The following EPHA6 variants were observed in gnomAD, a reference collection of about 807,000 sequenced individuals.
EPHA6 encodes EPH receptor A6.
Under a neutral mutation model 112.0 loss-of-function variants are expected in EPHA6, and 50 were observed. The observed-to-expected ratio is 0.45, with a 90% confidence interval of 0.36 to 0.56. The LOEUF (loss-of-function observed/expected upper bound fraction) is 0.56, where lower values mean the gene tolerates loss of function less well. Ranked by LOEUF, EPHA6 falls within the 20% of genes least tolerant of loss-of-function variation. The pLI is 0.00. For synonymous variants in EPHA6, 529 were observed against 490.7 expected (o/e 1.08, Z -1.03); for missense variants, 1,280 against 1,417.4 (o/e 0.90, Z 1.56).
chr3:97,515,884 TG>T (rs1392605109), intron 10 of EPHA6, among the ~76,000 whole-genome samples: 8 of 152,106 alleles, frequency 5.3e-5, no homozygotes, highest in Non-Finnish European at 8.8e-5. Flanking sequence ...AAAAAAATGA[TG>T]TTTTTTTCTT....
chr3:97,014,887 T>C (rs763701044), intron 3 of EPHA6, among the ~76,000 whole-genome samples: 12 of 152,290 alleles, frequency 7.9e-5, no homozygotes, highest in Admixed American at 2.6e-4. Context: ...AAAAATGTCT[T>C]AAATTTGCTG....
At chr3:97,604,146 A>T (rs1440206795) in intron 12 of EPHA6, among the ~76,000 whole-genome samples, 1 of 151,842 alleles carries the variant, frequency 6.6e-6, no homozygotes, top group Non-Finnish European at 1.5e-5. Context: ...ATAAGATACA[A>T]ATGAGGAAAT....
At position 97,730,828 on chromosome 3, in the gene EPHA6, C is replaced by G. The variant is rs112760244; in HGVS notation, c.2935-5097C>G. Reference sequence around the variant, plus strand: ...GGCATTGTGCTACATGCTGGGAACACGTGGAACAAAGAAACAGTCGCTGCT... The same window carrying G: ...GGCATTGTGCTACATGCTGGGAACAGGTGGAACAAAGAAACAGTCGCTGCT... On this transcript the variant is annotated intron_variant, in intron 15 of 17. Coordinates refer to ENST00000389672, the MANE Select transcript of EPHA6 (RefSeq NM_001080448.3). Among the ~76,000 whole-genome samples, 356 of 152,214 alleles carry G rather than the reference C, an allele frequency of 2.3e-3. 4 individuals carry two copies. Among genetic ancestry groups the G allele is most frequent in the African/African-American group, 8.1e-3 (337 of 41,546 alleles).
chr3:97,494,285 C>A (rs2091922914), intron 10 of EPHA6, among the ~76,000 whole-genome samples: 1 of 151,874 alleles, frequency 6.6e-6, no homozygotes, highest in Non-Finnish European at 1.5e-5. Context: ...TTATTTCCGC[C>A]TTTTATAACC....
At chr3:97,295,328 A>C (rs1468557974) in intron 5 of EPHA6, among the ~76,000 whole-genome samples, 5 of 151,752 alleles carry the variant, frequency 3.3e-5, no homozygotes, top group Non-Finnish European at 7.4e-5. Flanking sequence ...CAGTTCTGAA[A>C]TTCTTTCTTC....
chr3:97,468,757 G>A (rs2091137864), intron 7 of EPHA6, among the ~76,000 whole-genome samples: 1 of 151,450 alleles, frequency 6.6e-6, no homozygotes, highest in Non-Finnish European at 1.5e-5. Context: ...TTAGCCAAGG[G>A]CATTTTATCC....
chr3:97,513,156 G>C (rs1414976986), intron 10 of EPHA6, among the ~76,000 whole-genome samples: 3 of 152,124 alleles, frequency 2.0e-5, no homozygotes, highest in Non-Finnish European at 2.9e-5. Context: ...TTAAAAAGAA[G>C]ACAAAATCCT....
At chr3:97,265,443 G>T (rs752097854) in intron 5 of EPHA6, among the ~76,000 whole-genome samples, 33 of 152,308 alleles carry the variant, frequency 2.2e-4, no homozygotes, top group Non-Finnish European at 3.8e-4. Flanking sequence ...CAAGGGGCTG[G>T]TGTGTCAGCA....
intron 5 of EPHA6, among the ~76,000 whole-genome samples, chr3:97,291,024 T>G (rs979272436): frequency 6.6e-6 from 1 of 152,150 alleles, no homozygotes; most frequent in Non-Finnish European, 1.5e-5. Context: ...ATGCATTTGT[T>G]GCTATAAACT....
chr3:97,740,077 G>T (rs2035434833), intron 16 of EPHA6, among the ~76,000 whole-genome samples: 1 of 151,958 alleles, frequency 6.6e-6, no homozygotes, highest in Non-Finnish European at 1.5e-5. Context: ...CCTTGTAGCT[G>T]CTCCCAACCC....
intron 5 of EPHA6, among the ~76,000 whole-genome samples, chr3:97,360,240 A>G (rs1429969230): frequency 6.6e-6 from 1 of 151,552 alleles, no homozygotes; most frequent in Non-Finnish European, 1.5e-5. Context: ...TCTGAAATCA[A>G]CTTCAATTTA....
chr3:97,484,313 A>G (rs2091643997), intron 10 of EPHA6, among the ~76,000 whole-genome samples: 1 of 152,202 alleles, frequency 6.6e-6, no homozygotes. Flanking sequence ...AATTACAATG[A>G]AACTATAATT....
chr3:97,589,629 C>T (rs1041258969), intron 11 of EPHA6, among the ~76,000 whole-genome samples: 4 of 152,104 alleles, frequency 2.6e-5, no homozygotes, highest in Admixed American at 2.0e-4. Flanking sequence ...GCGACTCTCC[C>T]TACTGGGAAA....
chr3:97,669,254 CTGT>C (rs1306461589), intron 14 of EPHA6, among the ~76,000 whole-genome samples: 1 of 151,460 alleles, frequency 6.6e-6, no homozygotes, highest in Non-Finnish European at 1.5e-5. Context: ...CTTTTACTTT[CTGT>C]TTTGTTTTTT....
chr3:97,685,035 G>A (rs974221768), intron 14 of EPHA6, among the ~76,000 whole-genome samples: 4 of 152,066 alleles, frequency 2.6e-5, no homozygotes, highest in Non-Finnish European at 5.9e-5. Context: ...TAACAATAGT[G>A]CTATAGTAAG....
intron 3 of EPHA6, among the ~76,000 whole-genome samples, chr3:97,186,381 G>C (rs2077137074): frequency 1.3e-5 from 2 of 152,064 alleles, no homozygotes; most frequent in South Asian, 4.2e-4. Flanking sequence ...AAACATAGTA[G>C]TTTTTTCATT....
intron 1 of EPHA6, among the ~76,000 whole-genome samples, chr3:96,854,514 T>G (rs187888455): frequency 7.2e-5 from 11 of 152,252 alleles, no homozygotes; most frequent in Admixed American, 3.9e-4. Flanking sequence ...TTTTCTGTTT[T>G]TCACATGAGA....
At chr3:97,606,162 C>G (rs1165596515) in intron 12 of EPHA6, 1 of 151,326 alleles carries the variant, frequency 6.6e-6, no homozygotes, top group African/African-American at 2.4e-5. Flanking sequence ...ATTTCTAGTG[C>G]CCTTCCTACT....
intron 13 of EPHA6, among the ~76,000 whole-genome samples, chr3:97,616,029 A>C (rs566152061): frequency 1.8e-4 from 28 of 152,164 alleles, no homozygotes; most frequent in African/African-American, 6.5e-4. Context: ...ACTGGGTGAG[A>C]TCTCCCAAGC....
Sources: allele counts gnomAD v4.1 joint callset (sites outside exome capture counted in the v4.1 genomes callset), GRCh38; gene constraint gnomAD v4.1.1; transcripts MANE v1.5; gene names NCBI Gene and HGNC (gene_info 2026-07-23, HGNC 2026-07-21).